DPH6: variants seen among roughly 807,000 people sequenced by gnomAD.
The protein encoded by DPH6 is diphthamine biosynthesis 6, also known as diphthine--ammonia ligase.
Under a neutral mutation model 38.2 loss-of-function variants are expected in DPH6, and 33 were observed. That is an observed-to-expected ratio of 0.86 (90% CI 0.65 to 1.15). The LOEUF (loss-of-function observed/expected upper bound fraction) is 1.15, where lower values mean the gene tolerates loss of function less well. DPH6 is among the 50% of genes most tolerant of loss of function. The pLI is 0.00. For missense variants in DPH6, 325 were observed against 320.0 expected, an observed-to-expected ratio of 1.02 and a Z score of -0.12; for synonymous variants, 108 against 103.0, an observed-to-expected ratio of 1.05 and a Z score of -0.30.
In DPH6 at chr15:35,535,059, C is replaced by T. The variant is rs73384503; in HGVS notation, c.312+3215G>A. Among the ~76,000 whole-genome samples, 1,243 of 152,214 alleles carry T rather than the reference C, an allele frequency of 8.2e-3. 19 individuals are homozygous for T. The highest frequency in any genetic ancestry group is 0.028 in the African/African-American group (1,178 of 41,518). ...CTATCACCTGGATTACATGCCTATC[C>T]CCAAACCATCAATCAGAGAAAGAGG... On this transcript the variant is annotated intron_variant, in intron 3 of 8. Coordinates refer to ENST00000256538, the MANE Select transcript of DPH6 (RefSeq NM_080650.4).
At chr15:35,382,987 C>T (rs905868020) in intron 6 of DPH6, among the ~76,000 whole-genome samples, 1 of 152,144 alleles carries the variant, frequency 6.6e-6, no homozygotes, top group East Asian at 1.9e-4. Flanking sequence ...GGCATCAGTG[C>T]TGGGGAGCAC....
intron 5 of DPH6, among the ~76,000 whole-genome samples, chr15:35,442,997 T>C (rs1046791007): frequency 3.3e-5 from 5 of 152,158 alleles, no homozygotes; most frequent in African/African-American, 1.2e-4. Context: ...ACTAAAAAAA[T>C]TGAATTGTAC....
At chr15:35,434,817 A>G (rs1295026605) in intron 5 of DPH6, among the ~76,000 whole-genome samples, 1 of 152,178 alleles carries the variant, frequency 6.6e-6, no homozygotes, top group Non-Finnish European at 1.5e-5. Context: ...CTTGTCGCCC[A>G]GGCTGGAGTG....
At chr15:35,316,846 G>C (rs907571883) in intron 3 of DPH6, among the ~76,000 whole-genome samples, 4 of 152,098 alleles carry the variant, frequency 2.6e-5, no homozygotes, top group African/African-American at 9.7e-5. Context: ...TATCTTCAAA[G>C]GTATAGCAGT....
At chr15:35,241,228 G>A (rs1296096808) in intron 3 of DPH6, among the ~76,000 whole-genome samples, 4 of 143,586 alleles carry the variant, frequency 2.8e-5, no homozygotes, top group East Asian at 4.3e-4. Flanking sequence ...AGATCTTCTC[G>A]GCTTAGCAGC....
chr15:35,331,084 G>C (rs2052323886), intron 3 of DPH6: 1 of 152,104 alleles, frequency 6.6e-6, no homozygotes, highest in Non-Finnish European at 1.5e-5. Flanking sequence ...TGACCTTGAA[G>C]AGTAAGATAA....
intron 6 of DPH6, among the ~76,000 whole-genome samples, chr15:35,389,695 T>C (rs1416448652): frequency 1.3e-5 from 2 of 152,204 alleles, no homozygotes; most frequent in African/African-American, 4.8e-5. Flanking sequence ...ATTTGCTTGG[T>C]AGATCTTCCT....
chr15:35,521,691 G>A, intron 3 of DPH6: 2 of 1,231,118 alleles, frequency 1.6e-6, no homozygotes, highest in Middle Eastern at 3.1e-4. Flanking sequence ...TTGAAGAAGA[G>A]CAGCATATTA....
chr15:35,332,762 ATTAG>A (rs1477955108), intron 3 of DPH6, among the ~76,000 whole-genome samples: 1 of 152,168 alleles, frequency 6.6e-6, no homozygotes, highest in Non-Finnish European at 1.5e-5. Flanking sequence ...AGTGACGATA[ATTAG>A]TTAATGTTAT....
chr15:35,227,928 A>G (rs1330812080), intron 3 of DPH6, among the ~76,000 whole-genome samples: 1 of 152,078 alleles, frequency 6.6e-6, no homozygotes, highest in Non-Finnish European at 1.5e-5. Flanking sequence ...GTATTTGTAT[A>G]GTTTCCAAAA....
At chr15:35,444,893 A>T (rs565972339) in intron 5 of DPH6, among the ~76,000 whole-genome samples, 628 of 29,206 alleles carry the variant, frequency 0.022, 10 homozygotes, top group African/African-American at 0.026. Context: ...GACCATTACT[A>T]AAAATGCCTT....
intron 5 of DPH6, among the ~76,000 whole-genome samples, chr15:35,424,103 C>T (rs1406814761): frequency 6.6e-6 from 1 of 151,298 alleles, no homozygotes; most frequent in Non-Finnish European, 1.5e-5. Flanking sequence ...TAAAGAATGC[C>T]ATTGAGAATT....
chr15:35,539,745 C>T (rs983499824), intron 2 of DPH6, among the ~76,000 whole-genome samples: 1 of 151,932 alleles, frequency 6.6e-6, no homozygotes, highest in African/African-American at 2.4e-5. Flanking sequence ...CCAGGCTTTC[C>T]ATTAAATGTG....
chr15:35,370,482 A>C (rs1203940785), downstream of DPH6, among the ~76,000 whole-genome samples: 1 of 151,804 alleles, frequency 6.6e-6, no homozygotes, highest in Admixed American at 6.6e-5. Context: ...AGAACTCTTA[A>C]AACTCAATAA....
chr15:35,532,370 A>G (rs920026334), intron 3 of DPH6, among the ~76,000 whole-genome samples: 3 of 152,226 alleles, frequency 2.0e-5, no homozygotes, highest in Admixed American at 6.5e-5. Flanking sequence ...AGGCTCTCGC[A>G]TAGTACAGAT....
intron 3 of DPH6, among the ~76,000 whole-genome samples, chr15:35,468,371 C>T (rs7169293): frequency 0.99 from 150,638 of 152,302 alleles, 74,506 homozygotes; most frequent in Middle Eastern, 1. Flanking sequence ...CACTGAGCTG[C>T]CTATCCACTC....
At chr15:35,388,441 G>A (rs1383098818) in intron 6 of DPH6, among the ~76,000 whole-genome samples, 1 of 152,130 alleles carries the variant, frequency 6.6e-6, no homozygotes, top group Non-Finnish European at 1.5e-5. Flanking sequence ...TTGTATCTCT[G>A]GTAGAATTCA....
At chr15:35,195,320 T>C in the DPH6 span, among the ~76,000 whole-genome samples, 1 of 152,212 alleles carries the variant, frequency 6.6e-6, no homozygotes, top group Non-Finnish European at 1.5e-5. Flanking sequence ...CATCCACTGA[T>C]GGACACTGAG....
chr15:35,216,209 T>C (rs1051787826), downstream of DPH6, among the ~76,000 whole-genome samples: 1 of 152,224 alleles, frequency 6.6e-6, no homozygotes, highest in Non-Finnish European at 1.5e-5. Flanking sequence ...ATCTGTGAAA[T>C]GACAATTATG....
Sources: allele counts gnomAD v4.1 joint callset (sites outside exome capture counted in the v4.1 genomes callset), GRCh38; gene constraint gnomAD v4.1.1; transcripts MANE v1.5; gene names NCBI Gene and HGNC (gene_info 2026-07-23, HGNC 2026-07-21).